Variants in ROGDI observed in about 807,000 individuals in gnomAD.
ROGDI encodes the protein protein rogdi homolog.
In ROGDI, 46 loss-of-function variants were observed where a neutral mutation model predicts 43.1. That is an observed-to-expected ratio of 1.07 (90% CI 0.84 to 1.37). The LOEUF is 1.37. Ranked by LOEUF, ROGDI falls within the 40% of genes most tolerant of loss-of-function variation. The pLI is 0.00. For synonymous variants in ROGDI, 243 were observed against 162.0 expected (o/e 1.50, Z -3.80); for missense variants, 518 against 383.9 (o/e 1.35, Z -2.92).
At chr16:4,799,816 G>T in intron 5 of ROGDI, 35 bp from the exon 6 acceptor site, 1 of 1,489,442 alleles carries the variant, frequency 6.7e-7, no homozygotes, top group Non-Finnish European at 9.3e-7. Flanking sequence ...GGTCACGCCA[G>T]CTTCCATGCG....
intron 5 of ROGDI, 66 bp from the exon 6 acceptor site, chr16:4,799,847 G>GCTGC: frequency 8.7e-7 from 1 of 1,150,836 alleles, no homozygotes; most frequent in Non-Finnish European, 1.3e-6. Flanking sequence ...GAGAGTGGGT[G>GCTGC]CTGCCTGCCT....
At chr16:4,798,468 C>T in intron 7 of ROGDI, 101 bp downstream of exon 7, 1 of 935,404 alleles carries the variant, frequency 1.1e-6, no homozygotes, top group Non-Finnish European at 1.6e-6. Context: ...AATATTCCAC[C>T]TATAATCTGG....
At chr16:4,801,829 A>C in intron 2 of ROGDI, 2 of 589,586 alleles carry the variant, frequency 3.4e-6, no homozygotes, top group East Asian at 2.8e-5. Flanking sequence ...GGGAATACAA[A>C]ACAGACAGGG....
rs2082673030 is a variant in ROGDI at position 4,797,945 on chromosome 16, C to A, written c.688G>T (p.Ala230Ser). ...AGGAVLHSPG[A>S]MFEWGSQRLE... ...CCGCCCCTGCCTACTTACAACATGG[C>A]CCCAGGGCTATGCAGCACCGCGCCC... The change falls in exon 9 of 11, where the codon GCC becomes TCC. Residue 230 changes from alanine (A) to serine (S), a missense_variant. Coordinates refer to ENST00000322048, the MANE Select transcript of ROGDI (RefSeq NM_024589.3). The A allele has an allele frequency of 6.2e-7, 1 of 1,602,428 alleles. No individual in the cohort carries two copies. The highest frequency in any genetic ancestry group is 1.7e-5 in the Admixed American group (1 of 59,568).
chr16:4,797,426 CGCCT>C lies in ROGDI; in HGVS notation c.*30_*33del, dbSNP rs1567595962. 6 of 1,602,536 alleles carry C rather than the reference CGCCT, an allele frequency of 3.7e-6. No individual in the cohort carries two copies. The highest frequency in any genetic ancestry group is 5.1e-6 in the Non-Finnish European group (6 of 1,173,870). On this transcript the variant is annotated 3_prime_UTR_variant, in exon 11 of 11. Coordinates refer to ENST00000322048, the MANE Select transcript of ROGDI (RefSeq NM_024589.3). ...GGTGGGTATGAGTAGGGGACGGGGC[CGCCT>C]TCCTGGAGACAAGCTCCTGGGTGCT... is the stretch of plus-strand genomic sequence containing the variant.
Position 4,802,372 on chromosome 16 carries a change from G to T in ROGDI, c.117+10C>A. ...CGCCACGCCCGGCGGGGCAGGGCGCGGGTCGTTACCTTGAGGATGTCCTGC... is the reference window on the plus strand; with the variant it reads ...CGCCACGCCCGGCGGGGCAGGGCGCTGGTCGTTACCTTGAGGATGTCCTGC... On this transcript the variant is annotated intron_variant, in intron 2 of 10. Transcript: ENST00000322048. 2 of 1,566,332 alleles carry T rather than the reference G, an allele frequency of 1.3e-6. No individual in the cohort carries two copies. Among genetic ancestry groups the T allele is most frequent in the South Asian group, 1.2e-5 (1 of 85,084 alleles).
chr16:4,798,201 G>T lies in ROGDI; in HGVS notation c.532-17C>A. 1 of 1,604,028 alleles carries T rather than the reference G, an allele frequency of 6.2e-7. No homozygotes were observed. The highest frequency in any genetic ancestry group is 8.5e-7 in the Non-Finnish European group (1 of 1,173,112). On this transcript the variant is annotated splice_polypyrimidine_tract_variant and intron_variant, in intron 7 of 10. Coordinates refer to ENST00000322048, the MANE Select transcript of ROGDI (RefSeq NM_024589.3). ...GAACATCCGCTGCGGGAGGCAGGTG[G>T]GATGAGGCCCTCGCAAGCCCCCAGC... is the stretch of plus-strand genomic sequence containing the variant.
chr16:4,802,508 G>A lies in ROGDI; in HGVS notation c.45+19C>T. The A allele has an allele frequency of 8.3e-7, 1 of 1,209,990 alleles. No individual in the cohort carries two copies. Among genetic ancestry groups the A allele is most frequent in the Non-Finnish European group, 1.0e-6 (1 of 976,666 alleles). 75.0% of individuals were successfully genotyped at this position (1,209,990 alleles called of 1,614,324 possible). A position where few individuals can be genotyped will look rare whatever the true frequency, so the allele number is the denominator to read the frequency against. Reference sequence around the variant, plus strand: ...GCCCCGCCGCCCCGCCGGCCCGCCCGCTGGCCCGCGCGCCTTACCAGCACC... The same window carrying A: ...GCCCCGCCGCCCCGCCGGCCCGCCCACTGGCCCGCGCGCCTTACCAGCACC... On this transcript the variant is annotated intron_variant, in intron 1 of 10. Coordinates refer to ENST00000322048, the MANE Select transcript of ROGDI (RefSeq NM_024589.3).
rs2082742492 is a variant in ROGDI, at chr16:4,802,387, G to C, written c.112C>G (p.Leu38Val). The C allele has an allele frequency of 3.2e-6, 5 of 1,571,914 alleles. No individual in the cohort carries two copies. Among genetic ancestry groups the C allele is most frequent in the Admixed American group, 3.7e-5 (2 of 53,814 alleles). ...GGCAGGGCGCGGGTCGTTACCTTGAGGATGTCCTGCAGCTGCTTCAACACA... is the reference window on the plus strand; with the variant it reads ...GGCAGGGCGCGGGTCGTTACCTTGACGATGTCCTGCAGCTGCTTCAACACA... ...HAVLKQLQDILKEASLRFTLP... is the reference protein window; with the variant it reads ...HAVLKQLQDIVKEASLRFTLP... Residue 38 changes from leucine (L) to valine (V), a missense_variant, in exon 2 of 11, where the codon CTC becomes GTC. Coordinates refer to ENST00000322048, the MANE Select transcript of ROGDI (RefSeq NM_024589.3).
chr16:4,799,616 G>A (rs1177079037), intron 6 of ROGDI, 70 bp downstream of exon 6: 1 of 1,191,960 alleles, frequency 8.4e-7, no homozygotes. Context: ...CCCTGGGATT[G>A]GAACCCAGGT....
At position 4,799,673 on chromosome 16, in the gene ROGDI, G is replaced by A. The variant is rs371432203; in HGVS notation, c.432+13C>T. 248 of 1,599,192 alleles carry A rather than the reference G, an allele frequency of 1.6e-4. 1 individual carries two copies. The African/African-American group carries it at 2.5e-3, about 16-fold the overall frequency. On this transcript the variant is annotated intron_variant, in intron 6 of 10. Transcript: ENST00000322048. ...GGGACTAGGCCCAGGAGTCAGGCCC[G>A]GGGGCAGCTCACCTTGAGGACCTCA...
chr16:4,797,137 A>G lies in ROGDI; in HGVS notation c.*323T>C. 3.3e-6 allele frequency: 1 copy of G among 299,150 alleles called. No individual in the cohort carries two copies. Among genetic ancestry groups the G allele is most frequent in the Non-Finnish European group, 6.4e-6 (1 of 157,398 alleles). 18.5% of individuals were successfully genotyped at this position (299,150 alleles called of 1,614,324 possible). ...ACACCATGCCCTCCAGGGGGAGGGG[A>G]CAGCGAAGGGGAGAGGAGGGAGAGC... On this transcript the variant is annotated 3_prime_UTR_variant, in exon 11 of 11. Transcript: ENST00000322048.
intron 3 of ROGDI, 45 bp downstream of exon 3, chr16:4,801,458 C>A: frequency 6.3e-7 from 1 of 1,578,260 alleles, no homozygotes; most frequent in South Asian, 1.1e-5. Flanking sequence ...GCCTCCTACC[C>A]CCCAAGGTAC....
chr16:4,798,966 T>C (rs558200982), intron 6 of ROGDI, among the ~76,000 whole-genome samples: 4 of 152,112 alleles, frequency 2.6e-5, no homozygotes, highest in African/African-American at 9.6e-5. Context: ...ACAGGCTTTG[T>C]GGACAGGGGT....
At chr16:4,798,866 T>G (rs1398728437) in intron 6 of ROGDI, 199 bp from the exon 7 acceptor site, 4 of 580,088 alleles carry the variant, frequency 6.9e-6, no homozygotes, top group Middle Eastern at 2.7e-4. Context: ...TGCACTAATG[T>G]CAGTCGGGAT....
At position 4,797,150 on chromosome 16, in the gene ROGDI, G is replaced by C. The variant is rs2082660473; in HGVS notation, c.*310C>G. 1 of 331,856 alleles carries C rather than the reference G, an allele frequency of 3.0e-6. No homozygotes were observed. The highest frequency in any genetic ancestry group is 5.6e-6 in the Non-Finnish European group (1 of 177,222). 20.6% of individuals were successfully genotyped at this position (331,856 alleles called of 1,614,324 possible). On this transcript the variant is annotated 3_prime_UTR_variant, in exon 11 of 11. Coordinates refer to ENST00000322048, the MANE Select transcript of ROGDI (RefSeq NM_024589.3). The stretch of plus-strand genomic sequence containing the variant: ...CAGGGGGAGGGGACAGCGAAGGGGA[G>C]AGGAGGGAGAGCCCTGCGCCTGGCC...
intron 3 of ROGDI, 58 bp downstream of exon 3, chr16:4,801,445 C>T: frequency 6.4e-7 from 1 of 1,571,222 alleles, no homozygotes. Context: ...GGGCTATGGC[C>T]ATGCCTCCTA....
At chr16:4,797,581 A>C in intron 10 of ROGDI, 80 bp from the exon 11 acceptor site, 1 of 1,581,958 alleles carries the variant, frequency 6.3e-7, no homozygotes, top group Non-Finnish European at 8.6e-7. Context: ...CCCAAGGACA[A>C]TATGTCAGGA....
intron 4 of ROGDI, 78 bp downstream of exon 4, chr16:4,801,189 C>T (rs548825606): frequency 1.1e-4 from 139 of 1,279,048 alleles, no homozygotes; most frequent in Middle Eastern, 9.5e-4. Context: ...AGTCGCAGGG[C>T]TTGTACAGAG....
Sources: gnomAD v4.1 joint callset for allele counts (sites outside exome capture counted in the v4.1 genomes callset) on GRCh38, gnomAD v4.1.1 for gene constraint, MANE v1.5 for transcripts, NCBI Gene and HGNC (gene_info 2026-07-23, HGNC 2026-07-21) for gene names.